The following PRKN variants were observed in gnomAD, a reference collection of about 807,000 sequenced individuals.
PRKN encodes parkin RBR E3 ubiquitin protein ligase.
PRKN carries 56 observed loss-of-function variants against 59.5 expected under a neutral mutation model. The ratio of observed to expected loss-of-function variants is 0.94; its 90% CI spans 0.76 to 1.18. The LOEUF (loss-of-function observed/expected upper bound fraction) is 1.18, where lower values mean the gene tolerates loss of function less well. Ranked by LOEUF, PRKN falls within the 50% of genes most tolerant of loss-of-function variation. The pLI is 0.00. For synonymous variants in PRKN, 250 were observed against 222.1 expected (o/e 1.13, Z -1.12); for missense variants, 657 against 596.4 (o/e 1.10, Z -1.06).
In PRKN at chr6:162,674,317, T is replaced by C. The variant is rs1188987558; in HGVS notation, c.7+53345A>G. 2.6e-5 allele frequency among the ~76,000 whole-genome samples: 4 copies of C among 152,084 alleles called. No individual in the cohort carries two copies. In the East Asian group the frequency reaches 5.8e-4, roughly 22 times the overall value. On this transcript the variant is annotated intron_variant, in intron 1 of 11. Coordinates refer to ENST00000366898, the MANE Select transcript of PRKN (RefSeq NM_004562.3). ...ATAACAGTGACTCAGGTGACATGCATAGAATAGAGATGTACTCAATGTTCC... is the reference window on the plus strand; with the variant it reads ...ATAACAGTGACTCAGGTGACATGCACAGAATAGAGATGTACTCAATGTTCC...
intron 6 of PRKN, among the ~76,000 whole-genome samples, chr6:161,847,393 G>C (rs1326507849): frequency 6.6e-6 from 1 of 152,164 alleles, no homozygotes; most frequent in Non-Finnish European, 1.5e-5. Flanking sequence ...TTTTCTCTAA[G>C]GAGACTATCA....
chr6:161,981,094 A>G (rs79704354), intron 5 of PRKN, among the ~76,000 whole-genome samples: 11,626 of 152,290 alleles, frequency 0.076, 520 homozygotes, highest in Middle Eastern at 0.11. Context: ...TGAACTCGTA[A>G]TAAGTATCTT....
chr6:162,401,744 G>A (rs1036174536), intron 2 of PRKN, among the ~76,000 whole-genome samples: 4 of 151,840 alleles, frequency 2.6e-5, no homozygotes, highest in Non-Finnish European at 5.9e-5. Flanking sequence ...TAAGGAGAAT[G>A]GTAAATATGA....
chr6:162,060,666 A>C (rs1373337312), intron 4 of PRKN, among the ~76,000 whole-genome samples: 5 of 152,218 alleles, frequency 3.3e-5, no homozygotes, highest in East Asian at 3.9e-4. Context: ...CAGACTGACA[A>C]AACAAAATAA....
chr6:162,141,074 G>A (rs1781759056), intron 4 of PRKN, among the ~76,000 whole-genome samples: 2 of 152,018 alleles, frequency 1.3e-5, no homozygotes, highest in Non-Finnish European at 2.9e-5. Flanking sequence ...AGCTTGCAGT[G>A]AGCCGAGATC....
chr6:161,897,752 C>A (rs544963334), intron 6 of PRKN, among the ~76,000 whole-genome samples: 1 of 151,506 alleles, frequency 6.6e-6, no homozygotes, highest in African/African-American at 2.4e-5. Context: ...GAGGCTGAGG[C>A]GGGTGGATCA....
chr6:162,442,453 C>T (rs1463856982), intron 2 of PRKN, among the ~76,000 whole-genome samples: 1 of 152,258 alleles, frequency 6.6e-6, no homozygotes, highest in South Asian at 2.1e-4. Context: ...ATAGCGTCAA[C>T]AAATGTTGAG....
chr6:161,455,031 A>T (rs1562460699), intron 9 of PRKN, among the ~76,000 whole-genome samples: 1 of 148,846 alleles, frequency 6.7e-6, no homozygotes, highest in Non-Finnish European at 1.5e-5. Context: ...GTTTGGTTTA[A>T]TTTGACACGT....
At chr6:162,412,472 T>C (rs1788400642) in intron 2 of PRKN, among the ~76,000 whole-genome samples, 1 of 151,854 alleles carries the variant, frequency 6.6e-6, no homozygotes, top group African/African-American at 2.4e-5. Context: ...CAGTATACAT[T>C]CAAACAAGCA....
At chr6:161,839,059 A>G (rs1289652221) in intron 6 of PRKN, among the ~76,000 whole-genome samples, 1 of 152,082 alleles carries the variant, frequency 6.6e-6, no homozygotes, top group African/African-American at 2.4e-5. Context: ...ATAGGGGGAA[A>G]AAAGAGGCCC....
intron 7 of PRKN, among the ~76,000 whole-genome samples, chr6:161,758,111 C>T (rs917564795): frequency 6.6e-6 from 1 of 151,526 alleles, no homozygotes; most frequent in East Asian, 2.0e-4. Flanking sequence ...CTAGAACTCT[C>T]GTACATTCTG....
intron 1 of PRKN, among the ~76,000 whole-genome samples, chr6:162,589,262 G>T (rs73595931): frequency 0.021 from 3,129 of 152,086 alleles, 109 homozygotes; most frequent in African/African-American, 0.07. Flanking sequence ...ACCACCACTA[G>T]ACTTTTTTGC....
chr6:162,210,028 G>C (rs909660709), intron 3 of PRKN, among the ~76,000 whole-genome samples: 1 of 151,866 alleles, frequency 6.6e-6, no homozygotes, highest in Non-Finnish European at 1.5e-5. Flanking sequence ...GATGGGTGCA[G>C]CAAACCAACA....
chr6:161,563,158 A>G (rs992508316), intron 8 of PRKN, among the ~76,000 whole-genome samples: 1 of 152,078 alleles, frequency 6.6e-6, no homozygotes, highest in African/African-American at 2.4e-5. Flanking sequence ...GCTTAGTCTC[A>G]GGGCTCCTCA....
chr6:162,699,648 C>A (rs1014163268), intron 1 of PRKN, among the ~76,000 whole-genome samples: 1 of 152,128 alleles, frequency 6.6e-6, no homozygotes, highest in Non-Finnish European at 1.5e-5. Flanking sequence ...TATTTTAAGT[C>A]TCAATGACTG....
chr6:162,296,784 T>G (rs1223805026), intron 2 of PRKN, among the ~76,000 whole-genome samples: 4 of 152,158 alleles, frequency 2.6e-5, no homozygotes, highest in Non-Finnish European at 5.9e-5. Flanking sequence ...CATGTTGAAT[T>G]TCACTTAGAA....
At chr6:161,909,007 A>G (rs1562383231) in intron 6 of PRKN, among the ~76,000 whole-genome samples, 1 of 152,190 alleles carries the variant, frequency 6.6e-6, no homozygotes, top group East Asian at 1.9e-4. Context: ...CTGTAATGTA[A>G]GGGGCGCTGT....
intron 7 of PRKN, among the ~76,000 whole-genome samples, chr6:161,616,975 G>T (rs9365307): frequency 0.21 from 32,037 of 152,030 alleles, 3,777 homozygotes; most frequent in East Asian, 0.5. Context: ...GATCCTTGAG[G>T]AATTGCCACA....
chr6:162,625,696 ATATG>A (rs912713405), intron 1 of PRKN, among the ~76,000 whole-genome samples: 8 of 151,932 alleles, frequency 5.3e-5, no homozygotes, highest in African/African-American at 1.2e-4. Flanking sequence ...TCATGTATAT[ATATG>A]TGTGTGTGTG....
Sources: allele counts gnomAD v4.1 joint callset (sites outside exome capture counted in the v4.1 genomes callset), GRCh38; gene constraint gnomAD v4.1.1; transcripts MANE v1.5; gene names NCBI Gene and HGNC (gene_info 2026-07-23, HGNC 2026-07-21).